The following TBL1Y variants were observed in gnomAD, a reference collection of about 807,000 sequenced individuals.
TBL1Y encodes transducin beta like 1 Y-linked.
TBL1Y carries 15 observed loss-of-function variants against 12.0 expected under a neutral mutation model. The observed-to-expected ratio is 1.25, with a 90% CI of 0.83 to 1.92. The LOEUF (loss-of-function observed/expected upper bound fraction) is 1.92, where lower values mean the gene tolerates loss of function less well. TBL1Y is among the 40% of genes most tolerant of loss of function. The pLI is 0.00. For missense variants in TBL1Y, 148 were observed against 116.7 expected, an observed-to-expected ratio of 1.27 and a Z score of -1.24; for synonymous variants, 53 against 42.6, an observed-to-expected ratio of 1.24 and a Z score of -0.95.
At chrY:6,912,846 A>C in intron 2 of TBL1Y, among the ~76,000 whole-genome samples, 1 of 30,884 alleles carries the variant, frequency 3.2e-5, no homozygotes, top group Non-Finnish European at 7.8e-5. Flanking sequence ...AAAAAAAAAA[A>C]AAAAAAAAAC....
At chrY:6,942,666 T>C in intron 2 of TBL1Y, among the ~76,000 whole-genome samples, 2 of 32,646 alleles carry the variant, frequency 6.1e-5, no homozygotes, top group Admixed American at 5.7e-4. Flanking sequence ...GAAGATGGCA[T>C]AAATGGGATA....
chrY:6,982,504 A>G, intron 3 of TBL1Y, among the ~76,000 whole-genome samples: 1 of 33,151 alleles, frequency 3.0e-5, no homozygotes, highest in Non-Finnish European at 7.4e-5. Flanking sequence ...GAACACCACC[A>G]TCACCAAAAA....
intron 14 of TBL1Y, among the ~76,000 whole-genome samples, chrY:7,083,949 C>T (rs777256450): frequency 1.9e-4 from 6 of 31,974 alleles, no homozygotes; most frequent in African/African-American, 4.9e-4. Flanking sequence ...ATTCCTTGGC[C>T]ATCACGCTTG....
chrY:7,036,071 G>A (rs2012691280), intron 6 of TBL1Y, among the ~76,000 whole-genome samples: 1 of 33,434 alleles, frequency 3.0e-5, no homozygotes, highest in Non-Finnish European at 7.4e-5. Flanking sequence ...GCTGCCGGGA[G>A]TCCAGAGTAG....
At chrY:7,076,083 C>T (rs2013061109) in intron 13 of TBL1Y, among the ~76,000 whole-genome samples, 1 of 31,756 alleles carries the variant, frequency 3.1e-5, no homozygotes, top group Non-Finnish European at 7.6e-5. Context: ...CACCCGCCAC[C>T]ACACCCAGCT....
intron 1 of TBL1Y, among the ~76,000 whole-genome samples, chrY:6,911,500 C>G (rs924246131): frequency 2.9e-5 from 1 of 34,195 alleles, no homozygotes; most frequent in Admixed American, 2.5e-4. Flanking sequence ...CTAGGCGGCT[C>G]GGGCCCGCGG....
At chrY:7,051,969 A>C in intron 7 of TBL1Y, among the ~76,000 whole-genome samples, 1 of 34,395 alleles carries the variant, frequency 2.9e-5, no homozygotes, top group Admixed American at 2.6e-4. Context: ...TTAGTTTAAC[A>C]AGGGAGACAT....
chrY:6,919,372 C>T, intron 2 of TBL1Y: 1 of 33,158 alleles, frequency 3.0e-5, no homozygotes, highest in African/African-American at 1.2e-4. Flanking sequence ...GCATGTTTCT[C>T]GGCAGTCACT....
chrY:6,940,472 AT>A (rs2011945989), intron 2 of TBL1Y, among the ~76,000 whole-genome samples: 1 of 31,696 alleles, frequency 3.2e-5, no homozygotes. Flanking sequence ...AAGTGCTGGG[AT>A]TACAGGCATG....
chrY:7,065,632 C>A, intron 8 of TBL1Y, among the ~76,000 whole-genome samples: 1 of 33,546 alleles, frequency 3.0e-5, no homozygotes, highest in Non-Finnish European at 7.4e-5. Context: ...CAGTTTTATT[C>A]TGTACCAATT....
chrY:6,968,864 A>G, intron 2 of TBL1Y, among the ~76,000 whole-genome samples: 1 of 33,078 alleles, frequency 3.0e-5, no homozygotes, highest in Non-Finnish European at 7.4e-5. Context: ...CTGAATGAAA[A>G]CCATCTGTGA....
intron 7 of TBL1Y, among the ~76,000 whole-genome samples, chrY:7,051,050 A>G: frequency 3.0e-5 from 1 of 33,441 alleles, no homozygotes; most frequent in African/African-American, 1.2e-4. Context: ...TTGACACACA[A>G]TTTAATATCT....
At chrY:7,079,228 C>A (rs764755537) in intron 13 of TBL1Y, among the ~76,000 whole-genome samples, 1 of 34,046 alleles carries the variant, frequency 2.9e-5, no homozygotes, top group South Asian at 6.6e-4. Context: ...TTGTCTGGGA[C>A]AACTTGCAAC....
intron 2 of TBL1Y, among the ~76,000 whole-genome samples, chrY:6,958,387 TC>T (rs2012081927): frequency 3.0e-5 from 1 of 32,915 alleles, no homozygotes; most frequent in African/African-American, 1.2e-4. Context: ...CTGTAAAAAT[TC>T]AAGAGGGAGA....
chrY:6,939,133 G>C (rs749446639), intron 2 of TBL1Y, among the ~76,000 whole-genome samples: 1 of 34,241 alleles, frequency 2.9e-5, no homozygotes, highest in East Asian at 7.8e-4. Context: ...ATTTTACAGA[G>C]TGCTGATTGG....
chrY:7,004,207 C>T (rs775401658), intron 4 of TBL1Y, among the ~76,000 whole-genome samples: 6 of 33,540 alleles, frequency 1.8e-4, no homozygotes, highest in African/African-American at 4.6e-4. Flanking sequence ...GAAACTATCA[C>T]GATTCTGAAA....
At chrY:6,972,789 T>C (rs2012215389) in intron 2 of TBL1Y, among the ~76,000 whole-genome samples, 1 of 33,416 alleles carries the variant, frequency 3.0e-5, no homozygotes, top group Admixed American at 2.7e-4. Flanking sequence ...TCTGTGTGTT[T>C]TCAAAACACC....
intron 7 of TBL1Y, 121 bp from the exon 8 acceptor site, chrY:7,063,776 C>T: frequency 4.0e-6 from 1 of 248,345 alleles, no homozygotes; most frequent in South Asian, 3.8e-5. Context: ...GGCCCCCTGG[C>T]TGCTGGGAGC....
intron 2 of TBL1Y, among the ~76,000 whole-genome samples, chrY:6,957,767 T>A: frequency 3.0e-5 from 1 of 33,715 alleles, no homozygotes; most frequent in Non-Finnish European, 7.4e-5. Flanking sequence ...CACAATCAAA[T>A]AGCTGCAGGA....
Sources: gnomAD v4.1 joint callset for allele counts (sites outside exome capture counted in the v4.1 genomes callset) on GRCh38, gnomAD v4.1.1 for gene constraint, MANE v1.5 for transcripts, NCBI Gene and HGNC (gene_info 2026-07-23, HGNC 2026-07-21) for gene names.